The following SOX5 variants were observed in gnomAD, a reference collection of about 807,000 sequenced individuals.
SOX5 encodes transcription factor SOX-5.
Under a neutral mutation model 92.0 loss-of-function variants are expected in SOX5, and 9 were observed. The ratio of observed to expected loss-of-function variants is 0.10; its 90% CI spans 0.06 to 0.17. The LOEUF is 0.17. Ranked by LOEUF, SOX5 falls within the 10% of genes least tolerant of loss-of-function variation. The pLI, the probability that SOX5 is intolerant of heterozygous loss-of-function variation, is 1.00. For synonymous variants in SOX5, 344 were observed against 336.3 expected (o/e 1.02, Z -0.25); for missense variants, 642 against 944.5 (o/e 0.68, Z 4.20).
intron 4 of SOX5, among the ~76,000 whole-genome samples, chr12:24,177,318 C>T (rs985919146): frequency 2.0e-5 from 3 of 152,142 alleles, no homozygotes; most frequent in African/African-American, 7.2e-5. Context: ...CAATCTAATT[C>T]CAAAGACCCC....
At chr12:24,445,085 T>C (rs1177052384) in intron 1 of SOX5, among the ~76,000 whole-genome samples, 2 of 152,170 alleles carry the variant, frequency 1.3e-5, no homozygotes, top group Admixed American at 6.6e-5. Flanking sequence ...TAGTCTCTAA[T>C]GCAATCCCCA....
At chr12:23,904,871 T>A (rs759481362) in intron 1 of SOX5, among the ~76,000 whole-genome samples, 2 of 152,182 alleles carry the variant, frequency 1.3e-5, no homozygotes, top group Non-Finnish European at 2.9e-5. Flanking sequence ...TTTGCTAGCA[T>A]CACTACTTTT....
intron 1 of SOX5, among the ~76,000 whole-genome samples, chr12:24,491,113 G>A (rs1947027387): frequency 6.6e-6 from 1 of 151,966 alleles, no homozygotes; most frequent in Non-Finnish European, 1.5e-5. Context: ...TGGCTGCCTG[G>A]GTGGTAGCCA....
intron 4 of SOX5, among the ~76,000 whole-genome samples, chr12:24,212,741 C>T (rs1039525468): frequency 5.9e-5 from 9 of 152,176 alleles, no homozygotes; most frequent in African/African-American, 2.2e-4. Flanking sequence ...GCTGAATGCT[C>T]CCAGGAGACT....
chr12:24,383,063 T>C (rs1412930656), intron 1 of SOX5, among the ~76,000 whole-genome samples: 1 of 152,106 alleles, frequency 6.6e-6, no homozygotes, highest in African/African-American at 2.4e-5. Flanking sequence ...AGGTTCCAAA[T>C]GAGTATATAT....
At chr12:23,993,399 C>T (rs1950737994) in intron 4 of SOX5, among the ~76,000 whole-genome samples, 1 of 152,036 alleles carries the variant, frequency 6.6e-6, no homozygotes, top group Non-Finnish European at 1.5e-5. Flanking sequence ...TTCGAGAATA[C>T]ACAAATGGAT....
chr12:23,615,891 C>A (rs1458207056), intron 8 of SOX5, among the ~76,000 whole-genome samples: 1 of 152,050 alleles, frequency 6.6e-6, no homozygotes, highest in African/African-American at 2.4e-5. Context: ...AGAGACTGTG[C>A]AAGAGTCCAG....
intron 6 of SOX5, among the ~76,000 whole-genome samples, chr12:23,683,882 A>G (rs2087064456): frequency 6.6e-6 from 1 of 151,996 alleles, no homozygotes; most frequent in Non-Finnish European, 1.5e-5. Context: ...TAAATAAAGA[A>G]AAAGTTTTCA....
At chr12:24,411,809 C>G (rs1470592065) in intron 1 of SOX5, among the ~76,000 whole-genome samples, 3 of 152,054 alleles carry the variant, frequency 2.0e-5, no homozygotes. Context: ...GGTAATACTA[C>G]TTTCATAAAA....
At chr12:24,055,561 T>A (rs960726738) in intron 4 of SOX5, among the ~76,000 whole-genome samples, 1 of 152,178 alleles carries the variant, frequency 6.6e-6, no homozygotes, top group African/African-American at 2.4e-5. Context: ...AGGAACAACA[T>A]GTTGGTTGAC....
chr12:23,545,109 A>G (rs1942856024), intron 12 of SOX5, among the ~76,000 whole-genome samples: 1 of 152,236 alleles, frequency 6.6e-6, no homozygotes, highest in Non-Finnish European at 1.5e-5. Flanking sequence ...TTCAACGTTC[A>G]GGTTTGTTTA....
intron 3 of SOX5, among the ~76,000 whole-genome samples, chr12:23,779,499 G>C (rs1198004484): frequency 2.0e-5 from 3 of 151,248 alleles, no homozygotes; most frequent in Non-Finnish European, 4.4e-5. Flanking sequence ...ATCATGGTTA[G>C]TTTTTTACCA....
intron 3 of SOX5, among the ~76,000 whole-genome samples, chr12:23,823,559 A>C (rs1417148577): frequency 6.6e-6 from 1 of 151,728 alleles, no homozygotes; most frequent in Admixed American, 6.6e-5. Flanking sequence ...TTTTTCCTTC[A>C]TTTCAACCTT....
chr12:23,685,072 T>C (rs1459308804), intron 6 of SOX5, among the ~76,000 whole-genome samples: 3 of 152,152 alleles, frequency 2.0e-5, no homozygotes, highest in African/African-American at 7.2e-5. Flanking sequence ...CTTAGCATCA[T>C]GTCACACTTC....
At chr12:23,906,029 GA>G (rs2097290329) in intron 1 of SOX5, among the ~76,000 whole-genome samples, 1 of 152,136 alleles carries the variant, frequency 6.6e-6, no homozygotes, top group Admixed American at 6.6e-5. Context: ...AAATGATTAA[GA>G]CTTTTAAGTA....
At chr12:24,069,612 T>C (rs574080498) in intron 4 of SOX5, among the ~76,000 whole-genome samples, 1 of 152,258 alleles carries the variant, frequency 6.6e-6, no homozygotes, top group African/African-American at 2.4e-5. Context: ...TAGTTAGAGA[T>C]CACAGCAGGA....
chr12:24,075,482 T>C (rs1044355616), intron 4 of SOX5, among the ~76,000 whole-genome samples: 3 of 151,962 alleles, frequency 2.0e-5, no homozygotes, highest in African/African-American at 7.2e-5. Flanking sequence ...GTAGGAAAAA[T>C]GTAAAAAAAT....
intron 4 of SOX5, among the ~76,000 whole-genome samples, chr12:24,167,596 T>A (rs994612969): frequency 6.6e-6 from 1 of 152,230 alleles, no homozygotes; most frequent in Non-Finnish European, 1.5e-5. Flanking sequence ...TACTTGAGAA[T>A]ATATCACAAA....
intron 3 of SOX5, among the ~76,000 whole-genome samples, chr12:24,253,305 G>T (rs114202453): frequency 2.1e-3 from 303 of 143,296 alleles, no homozygotes; most frequent in African/African-American, 7.6e-3. Flanking sequence ...TATCCTGTAA[G>T]TTTGCAGATA....
Sources: allele counts gnomAD v4.1 joint callset (sites outside exome capture counted in the v4.1 genomes callset), GRCh38; gene constraint gnomAD v4.1.1; transcripts MANE v1.5; gene names NCBI Gene and HGNC (gene_info 2026-07-23, HGNC 2026-07-21).